The following PDE1C variants were observed in gnomAD, a reference collection of about 807,000 sequenced individuals.
PDE1C encodes dual specificity calcium/calmodulin-dependent 3',5'-cyclic nucleotide phosphodiesterase 1C.
In PDE1C, 62 loss-of-function variants were observed where a neutral mutation model predicts 93.1. The ratio of observed to expected loss-of-function variants is 0.67; its 90% CI spans 0.54 to 0.82. The LOEUF is 0.82. Among genes scored for constraint, PDE1C ranks in the 40% least tolerant of loss-of-function variants. PDE1C has a pLI of 0.00. For missense variants in PDE1C, 742 were observed against 884.6 expected (o/e 0.84, Z 2.04); for synonymous variants, 325 against 310.1 (o/e 1.05, Z -0.50).
At chr7:31,945,308 C>G (rs1225518053) in intron 2 of PDE1C, among the ~76,000 whole-genome samples, 1 of 151,994 alleles carries the variant, frequency 6.6e-6, no homozygotes, top group African/African-American at 2.4e-5. Context: ...TTATTTTATA[C>G]TCATTTATTT....
At chr7:32,070,902 G>C (rs11763396), upstream of PDE1C, 78,145 of 985,396 alleles carry the variant, frequency 0.079, 3,391 homozygotes, top group Non-Finnish European at 0.087. Flanking sequence ...CGCGCACCCG[G>C]CTCCGCCCCG....
intron 1 of PDE1C, among the ~76,000 whole-genome samples, chr7:32,341,360 A>G (rs1026277926): frequency 1.9e-4 from 29 of 149,286 alleles, no homozygotes; most frequent in African/African-American, 7.0e-4. Flanking sequence ...TATTTTTAGT[A>G]GAGACGGGGT....
intron 9 of PDE1C, among the ~76,000 whole-genome samples, chr7:31,842,113 C>CAT (rs1791977471): frequency 6.6e-6 from 1 of 152,140 alleles, no homozygotes; most frequent in African/African-American, 2.4e-5. Context: ...CAAATATCAG[C>CAT]ACACACTGAG....
At chr7:32,258,372 A>G (rs1443801544) in intron 1 of PDE1C, among the ~76,000 whole-genome samples, 1 of 152,234 alleles carries the variant, frequency 6.6e-6, no homozygotes, top group Admixed American at 6.5e-5. Context: ...TCTGGTATCA[A>G]TATTGGCGTT....
intron 1 of PDE1C, among the ~76,000 whole-genome samples, chr7:32,413,244 A>G (rs928944455): frequency 6.6e-6 from 1 of 152,230 alleles, no homozygotes; most frequent in Non-Finnish European, 1.5e-5. Flanking sequence ...AAGGATAGGT[A>G]GACAGATGGA....
intron 11 of PDE1C, 41 bp from the exon 12 acceptor site, chr7:31,828,414 G>T: frequency 1.3e-6 from 2 of 1,528,910 alleles, no homozygotes; most frequent in Non-Finnish European, 1.8e-6. Flanking sequence ...GGAACAGTAG[G>T]CTGGGTCACC....
At chr7:32,211,880 G>C (rs1437748556) in intron 1 of PDE1C, among the ~76,000 whole-genome samples, 1 of 151,800 alleles carries the variant, frequency 6.6e-6, no homozygotes, top group African/African-American at 2.4e-5. Context: ...TAACAACTTA[G>C]CCGGGTGTGG....
intron 4 of PDE1C, among the ~76,000 whole-genome samples, chr7:31,878,595 G>T (rs545503008): frequency 6.6e-6 from 1 of 152,284 alleles, no homozygotes; most frequent in African/African-American, 2.4e-5. Flanking sequence ...TAATAAAACT[G>T]AAGTGTCTTG....
chr7:31,876,544 T>C (rs781003968), intron 5 of PDE1C, among the ~76,000 whole-genome samples: 3 of 152,368 alleles, frequency 2.0e-5, no homozygotes, highest in African/African-American at 7.2e-5. Context: ...CTTGTATTTA[T>C]GTTCCCGATA....
chr7:31,864,542 A>G (rs1795053140), intron 7 of PDE1C, among the ~76,000 whole-genome samples: 1 of 152,250 alleles, frequency 6.6e-6, no homozygotes, highest in Admixed American at 6.5e-5. Flanking sequence ...GGCTTAAACC[A>G]AAAGCTAACT....
rs386409838 is a variant in PDE1C at position 31,899,132 on chromosome 7, CTTTTT to C, written c.129-18277_129-18273del. Among the ~76,000 whole-genome samples the C allele has an allele frequency of 3.3e-3, 281 of 85,020 alleles. 1 individual carries two copies. Among genetic ancestry groups the C allele is most frequent in the South Asian group, 0.02 (44 of 2,188 alleles). 55.8% of individuals were successfully genotyped at this position (85,020 alleles called of 152,430 possible). A position where few individuals can be genotyped will look rare whatever the true frequency, so the allele number is the denominator to read the frequency against. On this transcript the variant is annotated intron_variant, in intron 2 of 17. Coordinates refer to ENST00000396191, the MANE Select transcript of PDE1C (RefSeq NM_001191057.4). ...CTTACCAAGAGCATGGGCAGTCCCACTTTTTTTTTTTTTTTTTTTTTTTTGAGACG... is the reference window on the plus strand; with the variant it reads ...CTTACCAAGAGCATGGGCAGTCCCACTTTTTTTTTTTTTTTTTTTGAGACG...
chr7:31,712,611 T>G, the PDE1C span, among the ~76,000 whole-genome samples: 1 of 152,196 alleles, frequency 6.6e-6, no homozygotes, highest in African/African-American at 2.4e-5. Context: ...CTGAGGGCTC[T>G]GGTGTCATGG....
At chr7:32,401,261 G>A (rs202117090) in intron 1 of PDE1C, among the ~76,000 whole-genome samples, 3 of 152,128 alleles carry the variant, frequency 2.0e-5, no homozygotes, top group Admixed American at 1.3e-4. Flanking sequence ...AATGTAGGCC[G>A]GGTACAGTGG....
At chr7:32,364,992 T>C (rs1324465076) in intron 1 of PDE1C, among the ~76,000 whole-genome samples, 1 of 152,202 alleles carries the variant, frequency 6.6e-6, no homozygotes, top group African/African-American at 2.4e-5. Flanking sequence ...TTTCCTCAAG[T>C]GGGAGAGGCC....
the PDE1C span, among the ~76,000 whole-genome samples, chr7:31,619,117 G>C: frequency 6.6e-6 from 1 of 152,112 alleles, no homozygotes; most frequent in Admixed American, 6.5e-5. Context: ...GTGTATATTA[G>C]TCACAACATT....
chr7:32,283,637 C>T (rs1223503024), intron 1 of PDE1C, among the ~76,000 whole-genome samples: 2 of 152,170 alleles, frequency 1.3e-5, no homozygotes, highest in Non-Finnish European at 2.9e-5. Context: ...CTTGCCATCA[C>T]CCTGAGGGAC....
chr7:31,889,386 T>C (rs563930957), intron 2 of PDE1C, among the ~76,000 whole-genome samples: 1 of 152,306 alleles, frequency 6.6e-6, no homozygotes, highest in African/African-American at 2.4e-5. Flanking sequence ...GAAAACATGC[T>C]ACAAGAAAAA....
intron 2 of PDE1C, among the ~76,000 whole-genome samples, chr7:32,045,632 C>T (rs915263998): frequency 6.6e-6 from 1 of 152,136 alleles, no homozygotes; most frequent in Non-Finnish European, 1.5e-5. Context: ...TTAATTTTCC[C>T]AACAAGTTAC....
chr7:32,094,173 G>A (rs1797623723), intron 3 of PDE1C, among the ~76,000 whole-genome samples: 1 of 152,122 alleles, frequency 6.6e-6, no homozygotes, highest in Non-Finnish European at 1.5e-5. Flanking sequence ...TGATACCTGT[G>A]GCCCACTGTA....
Sources: allele counts gnomAD v4.1 joint callset (sites outside exome capture counted in the v4.1 genomes callset), GRCh38; gene constraint gnomAD v4.1.1; transcripts MANE v1.5; gene names NCBI Gene and HGNC (gene_info 2026-07-23, HGNC 2026-07-21).